The following SPTBN1 variants were observed in gnomAD, a reference collection of about 807,000 sequenced individuals.
The protein encoded by SPTBN1 is spectrin beta, non-erythrocytic 1.
Under a neutral mutation model 266.4 loss-of-function variants are expected in SPTBN1, and 32 were observed. The ratio of observed to expected loss-of-function variants is 0.12; its 90% CI spans 0.09 to 0.16. SPTBN1 has a LOEUF of 0.16. SPTBN1 is among the 10% of genes least tolerant of loss of function. The pLI is 1.00. For missense variants in SPTBN1, 2,296 were observed against 3,067.1 expected (o/e 0.75, Z 5.94); for synonymous variants, 1,336 against 1,162.2 (o/e 1.15, Z -3.04).
intron 1 of SPTBN1, among the ~76,000 whole-genome samples, chr2:54,525,209 A>G (rs7558950): frequency 0.8 from 121,606 of 151,750 alleles, 49,270 homozygotes; most frequent in African/African-American, 0.94. Flanking sequence ...AGCATCTACC[A>G]TGCACTGGTA....
chr2:54,667,670 C>T (rs1233758111), intron 35 of SPTBN1, 24 bp downstream of exon 35: 6 of 1,609,356 alleles, frequency 3.7e-6, no homozygotes, highest in Non-Finnish European at 5.1e-6. Context: ...TGTTATTTCT[C>T]TCCACTACTT....
chr2:54,621,564 G>T (rs780984283), intron 8 of SPTBN1, 52 bp downstream of exon 8: 1 of 1,446,104 alleles, frequency 6.9e-7, no homozygotes, highest in African/African-American at 1.4e-5. Flanking sequence ...GGTTAATTGA[G>T]CCCTCATTCT....
At position 54,628,338 on chromosome 2, in the gene SPTBN1, C is replaced by A; in HGVS notation, c.1798+88C>A. On this transcript the variant is annotated intron_variant, in intron 13 of 35. Coordinates refer to ENST00000356805, the MANE Select transcript of SPTBN1 (RefSeq NM_003128.3). The surrounding 1 kb of genome is among the most constrained non-coding windows in gnomAD (Gnocchi z 4.3). The stretch of plus-strand genomic sequence containing the variant: ...CAGTGGGGCTTTTGAAGTTACTGTG[C>A]CACTATACATTCCTGGTGGGTTTGT... 1.4e-6 allele frequency: 2 copies of A among 1,440,594 alleles called. No individual in the cohort carries two copies. The highest frequency in any genetic ancestry group is 1.8e-6 in the Non-Finnish European group (2 of 1,088,102). 89.2% of individuals were successfully genotyped at this position (1,440,594 alleles called of 1,614,324 possible). A position where few individuals can be genotyped will look rare whatever the true frequency, so the allele number is the denominator to read the frequency against.
intron 1 of SPTBN1, among the ~76,000 whole-genome samples, chr2:54,487,200 T>TTA (rs34214801): frequency 4.9e-5 from 7 of 144,254 alleles, no homozygotes; most frequent in Admixed American, 1.4e-4. Flanking sequence ...TGCTGCTTTT[T>TTA]AACTTTTTCA....
chr2:54,665,584 TA>T (rs1476324721), intron 33 of SPTBN1, among the ~76,000 whole-genome samples: 1 of 152,152 alleles, frequency 6.6e-6, no homozygotes, highest in African/African-American at 2.4e-5. Context: ...CTCATGACCA[TA>T]AGAGGGCGCT....
intron 18 of SPTBN1, among the ~76,000 whole-genome samples, chr2:54,640,807 C>T (rs777466882): frequency 1.4e-4 from 22 of 152,246 alleles, no homozygotes; most frequent in Non-Finnish European, 2.9e-4. Flanking sequence ...CCGCCTTGGC[C>T]TCCCAAAGTG....
chr2:54,569,837 C>T (rs1159026708), intron 2 of SPTBN1, among the ~76,000 whole-genome samples: 1 of 152,178 alleles, frequency 6.6e-6, no homozygotes, highest in Non-Finnish European at 1.5e-5. Context: ...CAAGGCAGGG[C>T]CCAGCAGGGT....
chr2:54,599,074 G>C lies in SPTBN1; in HGVS notation c.149-18G>C, dbSNP rs779287099. ...AGTTCTGTGGTCAATGGTAAAACAA[G>C]TTCTTCTCTGCTTGCAGATGAGCGT... On this transcript the variant is annotated intron_variant, in intron 2 of 35. Coordinates refer to ENST00000356805, the MANE Select transcript of SPTBN1 (RefSeq NM_003128.3). 3.7e-6 allele frequency: 6 copies of C among 1,613,008 alleles called. No individual in the cohort carries two copies. The Admixed American group carries it at 1.0e-4, about 27-fold the overall frequency.
chr2:54,660,870 C>A lies in SPTBN1; in HGVS notation c.6420+871C>A, dbSNP rs898777825. On this transcript the variant is annotated intron_variant, in intron 32 of 35. Coordinates refer to ENST00000356805, the MANE Select transcript of SPTBN1 (RefSeq NM_003128.3). ...CACGTGGGACGCGGCAGGTGACAGC[C>A]GTTCTCAGCATGTTTTAGAAGCTTG... 8.1e-6 allele frequency: 8 copies of A among 985,278 alleles called. No individual in the cohort carries two copies. In the African/African-American group the frequency reaches 1.4e-4, roughly 17 times the overall value. 61.0% of individuals were successfully genotyped at this position (985,278 alleles called of 1,614,324 possible).
At position 54,533,575 on chromosome 2, in the gene SPTBN1, A is replaced by C. The variant is rs1333529951; in HGVS notation, c.148+7009A>C. 6.6e-6 allele frequency among the ~76,000 whole-genome samples: 1 copy of C among 152,036 alleles called. No homozygotes were observed. The highest frequency in any genetic ancestry group is 1.9e-4 in the East Asian group (1 of 5,184). On this transcript the variant is annotated intron_variant, in intron 2 of 35. Transcript: ENST00000356805. This position sits in a 1 kb window ranked among gnomAD's most constrained non-coding sequence, Gnocchi z 4.2. ...GGCAATGATTGCTGTAGTAAGATGGAGTTTCGCTCTTGTCACCCAGGCTGT... is the reference window on the plus strand; with the variant it reads ...GGCAATGATTGCTGTAGTAAGATGGCGTTTCGCTCTTGTCACCCAGGCTGT...
intron 1 of SPTBN1, among the ~76,000 whole-genome samples, chr2:54,469,188 C>G (rs1004454471): frequency 3.3e-5 from 5 of 152,174 alleles, no homozygotes; most frequent in Admixed American, 2.0e-4. Flanking sequence ...TATTCGGCTT[C>G]TTTCTGAGGA....
chr2:54,571,047 CAG>C (rs1019045475), intron 2 of SPTBN1, among the ~76,000 whole-genome samples: 2 of 152,070 alleles, frequency 1.3e-5, no homozygotes, highest in Non-Finnish European at 2.9e-5. Flanking sequence ...CTTGCAATGA[CAG>C]AGAGATTACA....
At position 54,612,157 on chromosome 2, in the gene SPTBN1, C is replaced by A; in HGVS notation, c.301-4C>A. Reference sequence around the variant, plus strand: ...TGTCTCTACCTCTGCTCTCCTGTTTCTAGCCTAAACCCACCAAGGGACGAA... The same window carrying A: ...TGTCTCTACCTCTGCTCTCCTGTTTATAGCCTAAACCCACCAAGGGACGAA... On this transcript the variant is annotated splice_polypyrimidine_tract_variant and splice_region_variant and intron_variant, in intron 3 of 35. Coordinates refer to ENST00000356805, the MANE Select transcript of SPTBN1 (RefSeq NM_003128.3). 2 of 1,585,436 alleles carry A rather than the reference C, an allele frequency of 1.3e-6. No homozygotes were observed. The highest frequency in any genetic ancestry group is 1.3e-5 in the African/African-American group (1 of 74,304).
In SPTBN1 at chr2:54,648,083, A is replaced by AGGT. The variant is rs545296934; in HGVS notation, c.4997+824_4997+826dup. Among the ~76,000 whole-genome samples, 49 of 152,330 alleles carry AGGT rather than the reference A, an allele frequency of 3.2e-4. No homozygotes were observed. In the South Asian group the frequency reaches 9.7e-3, roughly 30 times the overall value. On this transcript the variant is annotated intron_variant, in intron 24 of 35. Coordinates refer to ENST00000356805, the MANE Select transcript of SPTBN1 (RefSeq NM_003128.3). ...TAGAACACCTTCGAGGAAAAAGAAGAGGTGAGTGTGTGGTACTCATCAGGC... is the reference window on the plus strand; with the variant it reads ...TAGAACACCTTCGAGGAAAAAGAAGAGGTGGTGAGTGTGTGGTACTCATCAGGC...
At chr2:54,459,003 TG>T (rs1235547105) in intron 1 of SPTBN1, among the ~76,000 whole-genome samples, 1 of 152,256 alleles carries the variant, frequency 6.6e-6, no homozygotes, top group African/African-American at 2.4e-5. Context: ...CTTTTTGTGC[TG>T]GTTGTGTAAA....
intron 2 of SPTBN1, among the ~76,000 whole-genome samples, chr2:54,549,963 C>A (rs544704761): frequency 6.6e-6 from 1 of 152,314 alleles, no homozygotes; most frequent in East Asian, 1.9e-4. Flanking sequence ...CCCATGCCAT[C>A]TCAGTAGCCT....
chr2:54,619,812 G>T (rs924691355), intron 7 of SPTBN1, among the ~76,000 whole-genome samples: 1 of 152,148 alleles, frequency 6.6e-6, no homozygotes, highest in Admixed American at 6.5e-5. Flanking sequence ...TGTGATTCTG[G>T]CCCTCACAAC....
rs192059931 is a variant in SPTBN1, at chr2:54,662,380, T to A, written c.6421-2073T>A. On this transcript the variant is annotated intron_variant, in intron 32 of 35. Transcript: ENST00000356805. ...GATCTCTGCATACTGGTTTGGGGTT[T>A]TCTCTTTCCTTCTAACTCTAAAGAA... 1.3e-5 allele frequency: 13 copies of A among 965,432 alleles called. No individual in the cohort carries two copies. In the African/African-American group the frequency reaches 2.1e-4, roughly 16 times the overall value. The allele number at this position is 965,432 out of a possible 1,614,324, so 59.8% of individuals were successfully genotyped here.
chr2:54,517,819 T>C (rs1054385408), intron 1 of SPTBN1, among the ~76,000 whole-genome samples: 1 of 152,080 alleles, frequency 6.6e-6, no homozygotes, highest in Non-Finnish European at 1.5e-5. Flanking sequence ...CTAATTTTTG[T>C]ATTTTTAGTA....
Sources: gnomAD v4.1 joint callset for allele counts (sites outside exome capture counted in the v4.1 genomes callset) on GRCh38, gnomAD v4.1.1 for gene constraint, Gnocchi (gnomAD v3.1) non-coding constraint, MANE v1.5 for transcripts, NCBI Gene and HGNC (gene_info 2026-07-23, HGNC 2026-07-21) for gene names.